The following ANXA11 variants were observed in gnomAD, a reference collection of about 807,000 sequenced individuals.
The protein encoded by ANXA11 is 56 kDa autoantigen.
A neutral mutation model predicts 64.7 loss-of-function variants in ANXA11; 57 were observed. The ratio of observed to expected loss-of-function variants is 0.88; its 90% CI spans 0.71 to 1.10. ANXA11 has a LOEUF of 1.10. Ranked by LOEUF, ANXA11 falls within the 50% of genes least tolerant of loss-of-function variation. The pLI, the probability that ANXA11 is intolerant of heterozygous loss-of-function variation, is 0.00. For missense variants in ANXA11, 675 were observed against 670.7 expected (o/e 1.01, Z -0.07); for synonymous variants, 260 against 265.2 (o/e 0.98, Z 0.19).
chr10:80,202,112 A>T (rs1484404269), intron 1 of ANXA11, among the ~76,000 whole-genome samples: 1 of 151,040 alleles, frequency 6.6e-6, no homozygotes, highest in Non-Finnish European at 1.5e-5. Flanking sequence ...ACCACCCGCT[A>T]ACTGATCTCA....
chr10:80,205,075 C>T (rs1230793034), intron 1 of ANXA11, among the ~76,000 whole-genome samples: 2 of 151,952 alleles, frequency 1.3e-5, no homozygotes, highest in Non-Finnish European at 2.9e-5. Flanking sequence ...CCCCTGAGCC[C>T]GGGGGGACGG....
At chr10:80,166,612 G>A (rs1384463739) in intron 7 of ANXA11, 1 of 514,698 alleles carries the variant, frequency 1.9e-6, no homozygotes, top group African/African-American at 1.9e-5. Context: ...GAGGGCAGGG[G>A]AAGGAAAATG....
chr10:80,205,008 C>T (rs1274885760), intron 1 of ANXA11: 3 of 152,250 alleles, frequency 2.0e-5, no homozygotes, highest in Non-Finnish European at 2.9e-5. Flanking sequence ...CACCCGTTGC[C>T]TCCTGCGCCC....
chr10:80,177,113 GGGACTACAGGCACC>G (rs1846199369), intron 1 of ANXA11, among the ~76,000 whole-genome samples: 1 of 151,792 alleles, frequency 6.6e-6, no homozygotes, highest in African/African-American at 2.4e-5. Context: ...CCAAGTAGCT[GGGACTACAGGCACC>G]TGAGGCACCT....
rs570592020 is a variant in ANXA11 at position 80,163,696 on chromosome 10, C to T, written c.950-83G>A. ...TGCAAAACACTATCAAAAGTGGGTA[C>T]TGGGGAGAAAAAGGCTGGAGGTCTT... is the stretch of plus-strand genomic sequence containing the variant. On this transcript the variant is annotated intron_variant, in intron 9 of 15. Coordinates refer to ENST00000422982, the MANE Select transcript of ANXA11 (RefSeq NM_145868.2). The T allele has an allele frequency of 5.5e-5, 73 of 1,331,030 alleles. 1 individual carries two copies. The African/African-American group carries it at 8.2e-4, about 15-fold the overall frequency. The allele number at this position is 1,331,030 out of a possible 1,614,324, so 82.5% of individuals were successfully genotyped here. A position where few individuals can be genotyped will look rare whatever the true frequency, so the allele number is the denominator to read the frequency against.
At chr10:80,178,916 G>A (rs563308308) in intron 1 of ANXA11, among the ~76,000 whole-genome samples, 1 of 152,234 alleles carries the variant, frequency 6.6e-6, no homozygotes, top group East Asian at 1.9e-4. Context: ...CAGTAATTCT[G>A]ATGTAACTGG....
intron 1 of ANXA11, among the ~76,000 whole-genome samples, chr10:80,192,656 G>A (rs1846825281): frequency 6.6e-6 from 1 of 152,144 alleles, no homozygotes; most frequent in Non-Finnish European, 1.5e-5. Context: ...AAGAACAAGG[G>A]TCCTTTTCAG....
chr10:80,166,475 T>C lies in ANXA11; in HGVS notation c.745-278A>G, dbSNP rs12411386. On this transcript the variant is annotated intron_variant, in intron 7 of 15. Coordinates refer to ENST00000422982, the MANE Select transcript of ANXA11 (RefSeq NM_145868.2). ...CTAATCAATATTTACCGAATTTTTA[T>C]CTTTCTAAGATTCAAAACCCCAGAA... is the stretch of plus-strand genomic sequence containing the variant. The C allele has an allele frequency of 8.9e-6, 4 of 446,936 alleles. No homozygotes were observed. In the South Asian group the frequency reaches 1.1e-4, roughly 12 times the overall value. The allele number at this position is 446,936 out of a possible 1,614,324, so 27.7% of individuals were successfully genotyped here. A position where few individuals can be genotyped will look rare whatever the true frequency, so the allele number is the denominator to read the frequency against.
chr10:80,162,068 C>T (rs367579997), intron 11 of ANXA11, 40 bp from the exon 12 acceptor site: 1 of 1,518,464 alleles, frequency 6.6e-7, no homozygotes, highest in African/African-American at 1.4e-5. Flanking sequence ...ACAGGCCACA[C>T]CCAGACCCCA....
chr10:80,159,032 C>T (rs183720827), intron 13 of ANXA11, 68 bp downstream of exon 13: 60 of 1,215,700 alleles, frequency 4.9e-5, no homozygotes, highest in African/African-American at 1.9e-4. Flanking sequence ...GGAGGACAGG[C>T]GAGCAGCCTG....
At chr10:80,175,898 A>G (rs1846150994) in intron 2 of ANXA11, among the ~76,000 whole-genome samples, 1 of 152,180 alleles carries the variant, frequency 6.6e-6, no homozygotes, top group Non-Finnish European at 1.5e-5. Context: ...TACTAAAAAT[A>G]CAAAAATTAG....
rs865954029 is a variant in ANXA11 at position 80,190,574 on chromosome 10, C to T, written c.-57-14419G>A. ...TATCTTGGCTCACTGCAAGCTCCACCTCCTGAGTTCATGCCGTTCTCCCGC... is the reference window on the plus strand; with the variant it reads ...TATCTTGGCTCACTGCAAGCTCCACTTCCTGAGTTCATGCCGTTCTCCCGC... On this transcript the variant is annotated intron_variant, in intron 1 of 15. Coordinates refer to ENST00000422982, the MANE Select transcript of ANXA11 (RefSeq NM_145868.2). 4.0e-5 allele frequency among the ~76,000 whole-genome samples: 6 copies of T among 150,398 alleles called. No homozygotes were observed. In the South Asian group the frequency reaches 1.3e-3, roughly 31 times the overall value.
At chr10:80,166,224 A>C (rs937995608) in intron 7 of ANXA11, 27 bp from the exon 8 acceptor site, 5 of 1,347,390 alleles carry the variant, frequency 3.7e-6, no homozygotes, top group Non-Finnish European at 5.2e-6. Flanking sequence ...ACAAACAACC[A>C]ACAAAAAAAA....
rs760862261 is a variant in ANXA11 at position 80,164,044 on chromosome 10, C to T, written c.949+9G>A. ...GGCAGAGGGCAGAGGGCAGAGGGAG[C>T]GGCCTCACCTGCTTTGTAGGCTCTG... On this transcript the variant is annotated intron_variant, in intron 9 of 15. Transcript: ENST00000422982. The T allele has an allele frequency of 1.2e-5, 19 of 1,611,012 alleles. No homozygotes were observed. The South Asian group carries it at 1.7e-4, about 14-fold the overall frequency.
intron 1 of ANXA11, among the ~76,000 whole-genome samples, chr10:80,204,562 C>G (rs1442046828): frequency 2.0e-5 from 3 of 152,234 alleles, no homozygotes; most frequent in Admixed American, 6.5e-5. Context: ...AGAAATGCCC[C>G]GGGCTGACTG....
At chr10:80,203,388 A>G (rs2819939) in intron 1 of ANXA11, among the ~76,000 whole-genome samples, 99,998 of 151,808 alleles carry the variant, frequency 0.66, 34,106 homozygotes, top group African/African-American at 0.83. Context: ...GCGTCAGGTG[A>G]GGCTTCCACT....
chr10:80,186,074 T>C (rs914368471), intron 1 of ANXA11, among the ~76,000 whole-genome samples: 4 of 152,198 alleles, frequency 2.6e-5, no homozygotes, highest in Non-Finnish European at 4.4e-5. Context: ...ATCCTAGTCC[T>C]GCTCCCCACC....
intron 1 of ANXA11, among the ~76,000 whole-genome samples, chr10:80,203,894 A>AC (rs1454391271): frequency 6.6e-6 from 1 of 152,038 alleles, no homozygotes; most frequent in Non-Finnish European, 1.5e-5. Flanking sequence ...CTTTAGCTGA[A>AC]CCTTCCACTG....
intron 1 of ANXA11, among the ~76,000 whole-genome samples, chr10:80,203,044 CAAAA>C (rs11444706): frequency 9.4e-5 from 8 of 85,254 alleles, no homozygotes; most frequent in Non-Finnish European, 1.7e-4. Context: ...AAATCTGTCT[CAAAA>C]AAAAAAAAAA....
Sources: gnomAD v4.1 joint callset for allele counts (sites outside exome capture counted in the v4.1 genomes callset) on GRCh38, gnomAD v4.1.1 for gene constraint, MANE v1.5 for transcripts, NCBI Gene and HGNC (gene_info 2026-07-23, HGNC 2026-07-21) for gene names.